Variants in HHLA2 observed in about 807,000 individuals in gnomAD.
HHLA2 encodes HHLA2 member of B7 family, also known as HERV-H LTR-associating protein 2.
HHLA2 carries 48 observed loss-of-function variants against 45.9 expected under a neutral mutation model. The observed-to-expected ratio is 1.05, with a 90% CI of 0.83 to 1.33. The LOEUF is 1.33. HHLA2 is among the 40% of genes most tolerant of loss of function. The pLI is 0.00. For synonymous variants in HHLA2, 161 were observed against 173.9 expected (o/e 0.93, Z 0.59); for missense variants, 462 against 494.3 (o/e 0.93, Z 0.62).
At chr3:108,310,055 A>G (rs1337222892) in intron 1 of HHLA2, among the ~76,000 whole-genome samples, 1 of 152,166 alleles carries the variant, frequency 6.6e-6, no homozygotes, top group Non-Finnish European at 1.5e-5. Flanking sequence ...TTTGGTCATT[A>G]CAGGCTCTTT....
At chr3:108,348,985 G>A (rs570809377) in intron 3 of HHLA2, among the ~76,000 whole-genome samples, 5 of 152,112 alleles carry the variant, frequency 3.3e-5, no homozygotes, top group South Asian at 4.2e-4. Flanking sequence ...TTTTATGGCC[G>A]CATAGTATTC....
intron 2 of HHLA2, among the ~76,000 whole-genome samples, chr3:108,319,750 A>C (rs1413204449): frequency 2.0e-5 from 3 of 152,186 alleles, no homozygotes; most frequent in Non-Finnish European, 4.4e-5. Flanking sequence ...ACAATAAAAT[A>C]TTTTGAGTAT....
At chr3:108,351,210 T>C (rs992235089) in intron 3 of HHLA2, among the ~76,000 whole-genome samples, 4 of 152,222 alleles carry the variant, frequency 2.6e-5, no homozygotes, top group Non-Finnish European at 5.9e-5. Context: ...AACCCATGAA[T>C]TTAATGGCTT....
intron 2 of HHLA2, among the ~76,000 whole-genome samples, chr3:108,323,216 A>T (rs1387515782): frequency 6.6e-6 from 1 of 152,184 alleles, no homozygotes; most frequent in African/African-American, 2.4e-5. Context: ...TGGTAACACA[A>T]CAGGGCGGCT....
At chr3:108,352,800 T>C (rs1576158224) in intron 4 of HHLA2, among the ~76,000 whole-genome samples, 2 of 152,218 alleles carry the variant, frequency 1.3e-5, no homozygotes, top group African/African-American at 4.8e-5. Flanking sequence ...ATTCCTTACC[T>C]ACATTTTGAC....
At chr3:108,327,774 CTGTT>C (rs2081311686) in intron 2 of HHLA2, among the ~76,000 whole-genome samples, 1 of 152,086 alleles carries the variant, frequency 6.6e-6, no homozygotes, top group Non-Finnish European at 1.5e-5. Flanking sequence ...TTTCAGTTAT[CTGTT>C]TGATTGTTTT....
Position 108,299,756 on chromosome 3 carries a change from C to G in HHLA2, c.-192+3157C>G, listed in dbSNP as rs78842824. Among the ~76,000 whole-genome samples the G allele has an allele frequency of 7.5e-3, 1,139 of 152,250 alleles. 14 individuals are homozygous for G. Among genetic ancestry groups the G allele is most frequent in the African/African-American group, 0.026 (1,078 of 41,542 alleles). On this transcript the variant is annotated intron_variant, in intron 1 of 10. Coordinates refer to ENST00000619531, the Ensembl canonical transcript of HHLA2. ...CAGACCCATAAAGGTACAAATTATA[C>G]TCTAACTCAACCTTATATGCCCTAT...
At chr3:108,329,314 A>C (rs924458802) in intron 3 of HHLA2, among the ~76,000 whole-genome samples, 3 of 152,194 alleles carry the variant, frequency 2.0e-5, no homozygotes, top group Non-Finnish European at 4.4e-5. Context: ...CCCTAAAAAA[A>C]GAAACGTCCT....
At chr3:108,352,911 T>C (rs2107456905) in intron 4 of HHLA2, among the ~76,000 whole-genome samples, 1 of 152,348 alleles carries the variant, frequency 6.6e-6, no homozygotes, top group South Asian at 2.1e-4. Flanking sequence ...TATTTAGATC[T>C]AGTGTACAGA....
chr3:108,299,244 A>G (rs12497033), intron 1 of HHLA2, among the ~76,000 whole-genome samples: 25,305 of 151,810 alleles, frequency 0.17, 3,443 homozygotes, highest in East Asian at 0.75. Flanking sequence ...CTGTAGTTAT[A>G]TCAACTTGGC....
intron 6 of HHLA2, among the ~76,000 whole-genome samples, chr3:108,355,766 C>T (rs1337755675): frequency 6.6e-6 from 1 of 152,164 alleles, no homozygotes; most frequent in Non-Finnish European, 1.5e-5. Context: ...AGAAAGAATA[C>T]TTGTCTTTCA....
rs571469880 is a variant in HHLA2 at position 108,315,949 on chromosome 3, A to G, written c.-105+5208A>G. 5.9e-5 allele frequency among the ~76,000 whole-genome samples: 9 copies of G among 152,310 alleles called. No homozygotes were observed. The South Asian group carries it at 1.9e-3, about 32-fold the overall frequency. On this transcript the variant is annotated intron_variant, in intron 2 of 10. Coordinates refer to ENST00000619531, the Ensembl canonical transcript of HHLA2. Reference sequence around the variant, plus strand: ...TATATTTAGTCATCTAACCTTTACAATAAGGAACATTTGAAATGTCAGCAT... The same window carrying G: ...TATATTTAGTCATCTAACCTTTACAGTAAGGAACATTTGAAATGTCAGCAT...
At chr3:108,372,870 T>A (rs1013148729) in intron 8 of HHLA2, among the ~76,000 whole-genome samples, 1 of 152,176 alleles carries the variant, frequency 6.6e-6, no homozygotes, top group Non-Finnish European at 1.5e-5. Context: ...CAGGACCAGA[T>A]GGATTCACAG....
intron 8 of HHLA2, among the ~76,000 whole-genome samples, chr3:108,372,263 G>C (rs1009007614): frequency 1.3e-5 from 2 of 152,076 alleles, no homozygotes; most frequent in African/African-American, 4.8e-5. Flanking sequence ...AAATAAAGAT[G>C]TTCTTTGAAA....
rs540220897 is a variant in HHLA2 at position 108,359,179 on chromosome 3, T to TA, written c.1003+1029dup. On this transcript the variant is annotated intron_variant, in intron 7 of 10. Transcript: ENST00000619531. The stretch of plus-strand genomic sequence containing the variant: ...CTCATGTTGGATTAATTTTGGAGTG[T>TA]AAAAAAAAAAATAGTCAAGAAGAAA... 5.2e-4 allele frequency among the ~76,000 whole-genome samples: 76 copies of TA among 146,824 alleles called. No homozygotes were observed. In the South Asian group the frequency reaches 6.7e-3, roughly 13 times the overall value.
chr3:108,314,278 T>C (rs2081067180), intron 2 of HHLA2, among the ~76,000 whole-genome samples: 1 of 151,982 alleles, frequency 6.6e-6, no homozygotes, highest in African/African-American at 2.4e-5. Flanking sequence ...GCATTCCATA[T>C]TCTTGTGAGC....
At chr3:108,359,229 G>A (rs1328183239) in intron 7 of HHLA2, among the ~76,000 whole-genome samples, 4 of 151,614 alleles carry the variant, frequency 2.6e-5, no homozygotes, top group Non-Finnish European at 5.9e-5. Flanking sequence ...CATATGGCCC[G>A]TCTTCCCACC....
chr3:108,358,017 C>T lies in HHLA2; in HGVS notation c.859C>T (p.Arg287Ter), dbSNP rs867459767. 14 of 1,613,616 alleles carry T rather than the reference C, an allele frequency of 8.7e-6. No individual in the cohort carries two copies. The highest frequency in any genetic ancestry group is 4.5e-5 in the East Asian group (2 of 44,878). The stretch of plus-strand genomic sequence containing the variant: ...ACAAAATACAATTATCAATGAATCC[C>T]GATTCTCATGGAACAAAGAGCTGAT... The change falls in exon 7 of 11, where the codon CGA (arginine) becomes TGA (stop). Residue 287 changes from arginine to a stop codon, truncating the protein, a stop_gained. Transcript: ENST00000619531. LOFTEE classifies it high-confidence loss of function.
chr3:108,333,190 T>C (rs2081415944), intron 3 of HHLA2, among the ~76,000 whole-genome samples: 3 of 152,280 alleles, frequency 2.0e-5, no homozygotes, highest in African/African-American at 7.2e-5. Flanking sequence ...GAATGGAGGC[T>C]GATGAAGCAT....
Sources: gnomAD v4.1 joint callset for allele counts (sites outside exome capture counted in the v4.1 genomes callset) on GRCh38, gnomAD v4.1.1 for gene constraint, MANE v1.5 for transcripts, NCBI Gene and HGNC (gene_info 2026-07-23, HGNC 2026-07-21) for gene names.